Variants in PDE8B observed in about 807,000 individuals in gnomAD.
PDE8B encodes high affinity cAMP-specific and IBMX-insensitive 3',5'-cyclic phosphodiesterase 8B.
In PDE8B, 26 loss-of-function variants were observed where a neutral mutation model predicts 101.3. The ratio of observed to expected loss-of-function variants is 0.26; its 90% CI spans 0.19 to 0.36. PDE8B has a LOEUF of 0.36. Among genes scored for constraint, PDE8B ranks in the 10% least tolerant of loss-of-function variants. The pLI is 1.00. For missense variants in PDE8B, 810 were observed against 1,163.1 expected (o/e 0.70, Z 4.42); for synonymous variants, 424 against 429.3 (o/e 0.99, Z 0.15).
the PDE8B span, among the ~76,000 whole-genome samples, chr5:77,190,454 C>A: frequency 6.6e-6 from 1 of 152,194 alleles, no homozygotes; most frequent in African/African-American, 2.4e-5. Flanking sequence ...CCAATGCAGT[C>A]ATCTGTTGCA....
intron 10 of PDE8B, among the ~76,000 whole-genome samples, chr5:77,398,755 T>C (rs887988676): frequency 1.3e-5 from 2 of 152,248 alleles, no homozygotes; most frequent in Non-Finnish European, 2.9e-5. Flanking sequence ...CTAAACCCGC[T>C]GGCATTTGGG....
chr5:77,269,267 G>C (rs368920554), intron 1 of PDE8B, among the ~76,000 whole-genome samples: 1 of 152,030 alleles, frequency 6.6e-6, no homozygotes, highest in Admixed American at 6.6e-5. Context: ...TTTGCCATTT[G>C]TATTTCTTTT....
intron 1 of PDE8B, among the ~76,000 whole-genome samples, chr5:77,280,848 G>A (rs1208997993): frequency 6.6e-6 from 1 of 152,228 alleles, no homozygotes; most frequent in Non-Finnish European, 1.5e-5. Flanking sequence ...AGTGAGCTAA[G>A]ATCGCGCCAC....
intron 1 of PDE8B, among the ~76,000 whole-genome samples, chr5:77,252,840 T>G (rs1024855418): frequency 6.6e-6 from 1 of 152,212 alleles, no homozygotes; most frequent in African/African-American, 2.4e-5. Context: ...TCCATTAATT[T>G]TTCTGTTACC....
the PDE8B span, among the ~76,000 whole-genome samples, chr5:77,194,849 A>G: frequency 6.6e-6 from 1 of 152,214 alleles, no homozygotes; most frequent in South Asian, 2.1e-4. Flanking sequence ...GTTGATGAAC[A>G]TTTGAACTAC....
At chr5:77,307,749 T>G (rs537258907) in intron 1 of PDE8B, among the ~76,000 whole-genome samples, 2 of 152,316 alleles carry the variant, frequency 1.3e-5, no homozygotes, top group Admixed American at 1.3e-4. Context: ...TCAGCAGTCC[T>G]TCCTCATTAG....
chr5:77,340,171 T>G (rs1778944817), intron 6 of PDE8B, among the ~76,000 whole-genome samples: 1 of 152,222 alleles, frequency 6.6e-6, no homozygotes, highest in African/African-American at 2.4e-5. Context: ...GTTTGATTCA[T>G]TAGTCAGTCT....
At chr5:77,116,147 G>T in the PDE8B span, among the ~76,000 whole-genome samples, 3 of 148,172 alleles carry the variant, frequency 2.0e-5, no homozygotes, top group African/African-American at 7.4e-5. Flanking sequence ...CATAGGTTTT[G>T]TTTCCAGGAA....
chr5:77,176,667 G>A, the PDE8B span, among the ~76,000 whole-genome samples: 2 of 152,218 alleles, frequency 1.3e-5, no homozygotes, highest in African/African-American at 4.8e-5. Flanking sequence ...ACAGAGAGCA[G>A]TGATGCAATA....
At chr5:77,317,645 T>A (rs568863747) in intron 2 of PDE8B, among the ~76,000 whole-genome samples, 2 of 152,250 alleles carry the variant, frequency 1.3e-5, no homozygotes, top group South Asian at 4.1e-4. Context: ...AGGCAGAGAT[T>A]CAAATCAACA....
chr5:77,138,617 C>T, the PDE8B span, among the ~76,000 whole-genome samples: 43 of 152,262 alleles, frequency 2.8e-4, no homozygotes, highest in African/African-American at 9.1e-4. Flanking sequence ...TTTTAGGTTC[C>T]ACTACTTGGC....
Position 77,351,067 on chromosome 5 carries a change from G to A in PDE8B, c.1020G>A (p.Glu340=), listed in dbSNP as rs906869047. 3 of 1,611,938 alleles carry A rather than the reference G, an allele frequency of 1.9e-6. No individual in the cohort carries two copies. The highest frequency in any genetic ancestry group is 2.5e-6 in the Non-Finnish European group (3 of 1,178,088). Residue 340 remains glutamate, a splice_region_variant and synonymous_variant, in exon 9 of 22, where the codon GAG becomes GAA. Transcript: ENST00000264917. ...TINTCIKKGK[E]WQGVYYARRK... is the part of the protein sequence containing the mutation. ...AAGAGCTCTCTTTGTCCATGTAGGA[G>A]TGGCAGGGGGTTTACTATGCCAGAC...
the PDE8B span, among the ~76,000 whole-genome samples, chr5:77,120,180 A>G: frequency 6.6e-6 from 1 of 152,232 alleles, no homozygotes; most frequent in African/African-American, 2.4e-5. Context: ...GCAAAATAAT[A>G]TGGTATTTTC....
Position 77,211,059 on chromosome 5 carries a change from TC to T in PDE8B, c.136del (p.Gln46ArgfsTer19). ...GPAAPLPGLFVQTDAADAIPP... is the reference protein window; with the variant it reads ...GPAAPLPGLFXQTDAADAIPP... ...GCGGCACCCCTGCCCGGCCTCTTCG[TC>T]CAGACCGACGCCGCCGACGCCATCC... On this transcript the variant is annotated frameshift_variant, in exon 1 of 22. Coordinates refer to ENST00000264917, the MANE Select transcript of PDE8B (RefSeq NM_003719.5). LOFTEE classifies it high-confidence loss of function. This position sits in a 1 kb window ranked among gnomAD's most constrained non-coding sequence, Gnocchi z 4.1. 6.6e-7 allele frequency: 1 copy of T among 1,524,796 alleles called. No individual in the cohort carries two copies. The highest frequency in any genetic ancestry group is 8.7e-7 in the Non-Finnish European group (1 of 1,145,684). The allele number at this position is 1,524,796 out of a possible 1,614,324, so 94.5% of individuals were successfully genotyped here.
chr5:77,345,314 C>G (rs1339095815), intron 7 of PDE8B, among the ~76,000 whole-genome samples: 3 of 152,286 alleles, frequency 2.0e-5, no homozygotes, highest in East Asian at 3.9e-4. Context: ...CATGTGCCAC[C>G]ACACTCAGCT....
intron 2 of PDE8B, 123 bp downstream of exon 2, chr5:77,312,176 T>C (rs1214177313): frequency 2.8e-6 from 2 of 721,512 alleles, no homozygotes; most frequent in Admixed American, 4.4e-5. Context: ...CAGTCTCGGC[T>C]CACTGCAACC....
At chr5:77,269,087 C>T (rs1762281626) in intron 1 of PDE8B, among the ~76,000 whole-genome samples, 1 of 151,930 alleles carries the variant, frequency 6.6e-6, no homozygotes, top group South Asian at 2.1e-4. Context: ...AATTTACATT[C>T]CCACCAACAG....
At chr5:77,413,425 A>T (rs936332255) in intron 17 of PDE8B, 116 bp downstream of exon 17, 29 of 861,726 alleles carry the variant, frequency 3.4e-5, no homozygotes, top group Middle Eastern at 3.3e-4. Flanking sequence ...AGCTTTTTTA[A>T]AAAAAAATTT....
intron 1 of PDE8B, among the ~76,000 whole-genome samples, chr5:77,217,695 C>T (rs542003143): frequency 3.2e-4 from 48 of 152,132 alleles, no homozygotes; most frequent in African/African-American, 1.0e-3. Flanking sequence ...CCACCACCCT[C>T]GGCTAATTTT....
Sources: allele counts gnomAD v4.1 joint callset (sites outside exome capture counted in the v4.1 genomes callset), GRCh38; gene constraint gnomAD v4.1.1; non-coding constraint Gnocchi (gnomAD v3.1); transcripts MANE v1.5; gene names NCBI Gene and HGNC (gene_info 2026-07-23, HGNC 2026-07-21).